The following KCNB2 variants were observed in gnomAD, a reference collection of about 807,000 sequenced individuals.
KCNB2 encodes the protein potassium voltage-gated channel subfamily B member 2, also known as delayed rectifier potassium channel protein.
Under a neutral mutation model 61.5 loss-of-function variants are expected in KCNB2, and 15 were observed. That is an observed-to-expected ratio of 0.24 (90% CI 0.16 to 0.38). The LOEUF is 0.38. Among genes scored for constraint, KCNB2 ranks in the 10% least tolerant of loss-of-function variants. KCNB2 has a pLI of 1.00. For missense variants in KCNB2, 828 were observed against 1,125.2 expected, an observed-to-expected ratio of 0.74 and a Z score of 3.78; for synonymous variants, 457 against 446.0, an observed-to-expected ratio of 1.02 and a Z score of -0.31.
intron 2 of KCNB2, among the ~76,000 whole-genome samples, chr8:72,771,205 A>G (rs1808552290): frequency 6.6e-6 from 1 of 152,202 alleles, no homozygotes; most frequent in Non-Finnish European, 1.5e-5. Flanking sequence ...AAAAAGGAGG[A>G]AGATGATATG....
chr8:72,843,899 G>C (rs1809939851), intron 2 of KCNB2, among the ~76,000 whole-genome samples: 1 of 152,166 alleles, frequency 6.6e-6, no homozygotes, highest in African/African-American at 2.4e-5. Context: ...CAATTTGCCA[G>C]TCTGTGTCTT....
chr8:72,740,469 G>A (rs536279484), intron 2 of KCNB2, among the ~76,000 whole-genome samples: 4 of 152,158 alleles, frequency 2.6e-5, no homozygotes, highest in Non-Finnish European at 5.9e-5. Context: ...ATATGGCAGA[G>A]GAAGATACCC....
intron 2 of KCNB2, among the ~76,000 whole-genome samples, chr8:72,619,728 A>C (rs890862829): frequency 1.3e-5 from 2 of 152,182 alleles, no homozygotes; most frequent in African/African-American, 4.8e-5. Context: ...TCATCCACAA[A>C]AAAAGAGTTT....
intron 2 of KCNB2, among the ~76,000 whole-genome samples, chr8:72,599,127 G>A (rs1002572668): frequency 6.6e-6 from 1 of 152,070 alleles, no homozygotes; most frequent in African/African-American, 2.4e-5. Flanking sequence ...CCAAAAAAGA[G>A]CCCGCATCGC....
intron 2 of KCNB2, among the ~76,000 whole-genome samples, chr8:72,650,980 T>C (rs1563549063): frequency 6.6e-6 from 1 of 152,158 alleles, no homozygotes; most frequent in Non-Finnish European, 1.5e-5. Flanking sequence ...CTTTGGAGCA[T>C]TGGAAAATGA....
At chr8:72,576,079 T>C (rs1200338196) in intron 2 of KCNB2, among the ~76,000 whole-genome samples, 2 of 152,320 alleles carry the variant, frequency 1.3e-5, no homozygotes, top group South Asian at 2.1e-4. Flanking sequence ...TTGAAAAGAA[T>C]TGTGATCAAA....
intron 2 of KCNB2, among the ~76,000 whole-genome samples, chr8:72,742,793 T>A (rs1476467841): frequency 6.6e-6 from 1 of 152,214 alleles, no homozygotes; most frequent in African/African-American, 2.4e-5. Flanking sequence ...CCAGAGCCAA[T>A]GCACGGGATC....
chr8:72,619,207 G>C lies in KCNB2; in HGVS notation c.579+50894G>C, dbSNP rs952847365. 3.0e-5 allele frequency: 16 copies of C among 537,834 alleles called. No individual in the cohort carries two copies. The East Asian group carries it at 7.7e-4, about 26-fold the overall frequency. The allele number at this position is 537,834 out of a possible 1,614,324, so 33.3% of individuals were successfully genotyped here. A position where few individuals can be genotyped will look rare whatever the true frequency, so the allele number is the denominator to read the frequency against. ...ATCAGATGTCGAATTATTCACTGCA[G>C]GGATAAACCTAGCTAGTGAGGTATC... On this transcript the variant is annotated intron_variant, in intron 2 of 2. Coordinates refer to ENST00000523207, the MANE Select transcript of KCNB2 (RefSeq NM_004770.3).
chr8:72,857,889 G>A (rs974031336), intron 2 of KCNB2, among the ~76,000 whole-genome samples: 5 of 151,990 alleles, frequency 3.3e-5, no homozygotes, highest in Non-Finnish European at 5.9e-5. Context: ...ACTTTCCCAC[G>A]ATTATTTCTT....
At chr8:72,632,320 C>T (rs1204007853) in intron 2 of KCNB2, among the ~76,000 whole-genome samples, 1 of 152,086 alleles carries the variant, frequency 6.6e-6, no homozygotes, top group Non-Finnish European at 1.5e-5. Flanking sequence ...TATATAAAAT[C>T]CAAATCTCAG....
intron 2 of KCNB2, among the ~76,000 whole-genome samples, chr8:72,766,931 T>C (rs1187792997): frequency 1.3e-5 from 2 of 152,216 alleles, no homozygotes; most frequent in Non-Finnish European, 2.9e-5. Context: ...CTCAGAATCA[T>C]GGCAGGAGGT....
chr8:72,805,809 A>G (rs957865138), intron 2 of KCNB2, among the ~76,000 whole-genome samples: 6 of 152,180 alleles, frequency 3.9e-5, no homozygotes, highest in Admixed American at 1.3e-4. Flanking sequence ...TTGTTGGCAT[A>G]AAACCTGCAA....
At chr8:72,669,580 A>G (rs1019883611) in intron 2 of KCNB2, among the ~76,000 whole-genome samples, 2 of 152,228 alleles carry the variant, frequency 1.3e-5, no homozygotes, top group African/African-American at 4.8e-5. Context: ...CTAATTGCCC[A>G]TGGCAATTTT....
At chr8:72,722,941 A>G (rs989167004) in intron 2 of KCNB2, among the ~76,000 whole-genome samples, 27 of 152,222 alleles carry the variant, frequency 1.8e-4, no homozygotes, top group Non-Finnish European at 5.9e-5. Context: ...ATCATTAGAA[A>G]GAGCTCTGTC....
At chr8:72,583,806 A>G (rs1201704017) in intron 2 of KCNB2, among the ~76,000 whole-genome samples, 3 of 148,590 alleles carry the variant, frequency 2.0e-5, no homozygotes, top group Non-Finnish European at 4.5e-5. Flanking sequence ...AAAATCATCT[A>G]AAATATTTTT....
At chr8:72,616,651 G>T (rs1381325855) in intron 2 of KCNB2, among the ~76,000 whole-genome samples, 1 of 152,160 alleles carries the variant, frequency 6.6e-6, no homozygotes, top group African/African-American at 2.4e-5. Flanking sequence ...ATGTAGCACT[G>T]TCTGAAATTT....
chr8:72,809,431 G>T (rs1186719345), intron 2 of KCNB2, among the ~76,000 whole-genome samples: 3 of 152,144 alleles, frequency 2.0e-5, no homozygotes, highest in Non-Finnish European at 2.9e-5. Flanking sequence ...AAGAGACAAT[G>T]TTGAACTTGG....
At position 72,771,131 on chromosome 8, in the gene KCNB2, A is replaced by G. The variant is rs1307025057; in HGVS notation, c.580-164804A>G. Among the ~76,000 whole-genome samples, 8 of 152,354 alleles carry G rather than the reference A, an allele frequency of 5.3e-5. No individual in the cohort carries two copies. The East Asian group carries it at 7.7e-4, about 15-fold the overall frequency. On this transcript the variant is annotated intron_variant, in intron 2 of 2. Transcript: ENST00000523207. ...AATCATCTGAGGTTGCAATTACTAC[A>G]CCAGATATGGATGTAATCTGTATAA...
chr8:72,769,181 A>G (rs941804091), intron 2 of KCNB2, among the ~76,000 whole-genome samples: 1 of 152,162 alleles, frequency 6.6e-6, no homozygotes, highest in African/African-American at 2.4e-5. Context: ...AAAGAAAAAA[A>G]AGAAAATTAA....
Sources: allele counts gnomAD v4.1 joint callset (sites outside exome capture counted in the v4.1 genomes callset), GRCh38; gene constraint gnomAD v4.1.1; transcripts MANE v1.5; gene names NCBI Gene and HGNC (gene_info 2026-07-23, HGNC 2026-07-21).